The following RDH13 variants were observed in gnomAD, a reference collection of about 807,000 sequenced individuals.
The protein encoded by RDH13 is retinol dehydrogenase 13.
A neutral mutation model predicts 28.3 loss-of-function variants in RDH13; 35 were observed. That is an observed-to-expected ratio of 1.24 (90% CI 0.95 to 1.64). The LOEUF is 1.64. RDH13 is among the 40% of genes most tolerant of loss of function. The probability of loss-of-function intolerance (pLI) is 0.00; values close to 1 mark genes in which losing one functional copy is unlikely to be tolerated. For missense variants in RDH13, 514 were observed against 446.3 expected (o/e 1.15, Z -1.37); for synonymous variants, 229 against 198.5 (o/e 1.15, Z -1.29).
chr19:55,066,504 CCT>C (rs66592163), upstream of RDH13, among the ~76,000 whole-genome samples: 1 of 142,154 alleles, frequency 7.0e-6, no homozygotes, highest in Non-Finnish European at 1.5e-5. Flanking sequence ...TCTCTCTCTC[CCT>C]CTCTCTCACA....
chr19:55,065,536 C>G (rs1275070957), upstream of RDH13, among the ~76,000 whole-genome samples: 1 of 151,502 alleles, frequency 6.6e-6, no homozygotes, highest in Non-Finnish European at 1.5e-5. Context: ...ACTTCCAGGA[C>G]AGAGATCAGC....
At chr19:55,066,570 CTTCT>C (rs1282426069), upstream of RDH13, among the ~76,000 whole-genome samples, 8 of 146,392 alleles carry the variant, frequency 5.5e-5, no homozygotes, top group South Asian at 2.2e-4. Flanking sequence ...CCTCTCCCTC[CTTCT>C]GTCTTCCTCT....
At chr19:55,050,353 G>A (rs10426387) in intron 3 of RDH13, among the ~76,000 whole-genome samples, 18,092 of 152,034 alleles carry the variant, frequency 0.12, 1,410 homozygotes, top group East Asian at 0.21. Context: ...CTGACCTCGT[G>A]ATCCACCTAC....
upstream of RDH13, among the ~76,000 whole-genome samples, chr19:55,067,011 A>G (rs779794091): frequency 3.3e-5 from 5 of 152,172 alleles, no homozygotes; most frequent in Non-Finnish European, 7.3e-5. Flanking sequence ...TAAAATAGAT[A>G]TGATCCTTGT....
At chr19:55,045,392 G>T in intron 6 of RDH13, 83 bp from the exon 7 acceptor site, 6 of 1,080,326 alleles carry the variant, frequency 5.6e-6, no homozygotes, top group Non-Finnish European at 8.1e-6. Context: ...GGGAGCTCCG[G>T]GTCCCTGGAG....
upstream of RDH13, among the ~76,000 whole-genome samples, chr19:55,065,750 C>G (rs144550655): frequency 6.6e-6 from 1 of 151,862 alleles, no homozygotes; most frequent in Non-Finnish European, 1.5e-5. Flanking sequence ...GAGAGTCTCT[C>G]TCCGATGCCC....
At chr19:55,051,675 G>A (rs1445095810) in intron 3 of RDH13, among the ~76,000 whole-genome samples, 3 of 150,994 alleles carry the variant, frequency 2.0e-5, no homozygotes, top group Admixed American at 6.6e-5. Context: ...TGATCCACCC[G>A]CCTCTGCCTC....
chr19:55,058,340 A>G (rs975779407), intron 2 of RDH13, among the ~76,000 whole-genome samples: 5 of 151,600 alleles, frequency 3.3e-5, no homozygotes, highest in Admixed American at 6.6e-5. Context: ...GTGAGCCAAG[A>G]TCATGCCACT....
intron 1 of RDH13, among the ~76,000 whole-genome samples, chr19:55,062,054 T>C (rs558992713): frequency 2.1e-4 from 31 of 149,468 alleles, no homozygotes; most frequent in African/African-American, 6.9e-4. Flanking sequence ...GAGGTGGAGG[T>C]TGTGGTGAGC....
chr19:55,063,063 G>GCGTCA lies in RDH13; in HGVS notation c.-32_-31insTGACG, dbSNP rs1555831241. 18 of 1,334,986 alleles carry GCGTCA rather than the reference G, an allele frequency of 1.3e-5. No individual in the cohort carries two copies. The highest frequency in any genetic ancestry group is 2.2e-4 in the Middle Eastern group (1 of 4,506). 82.7% of individuals were successfully genotyped at this position (1,334,986 alleles called of 1,614,324 possible). A position where few individuals can be genotyped will look rare whatever the true frequency, so the allele number is the denominator to read the frequency against. On this transcript the variant is annotated 5_prime_UTR_variant, in exon 1 of 7. Transcript: ENST00000415061. ...GCCGGGGACAGGCGTCAGGCGTCAGGGGTCGGCGCGGAGCTTGCTGCACAC... is the reference window on the plus strand; with the variant it reads ...GCCGGGGACAGGCGTCAGGCGTCAGGCGTCAGGTCGGCGCGGAGCTTGCTGCACAC...
downstream of RDH13, chr19:55,041,205 C>T: frequency 6.6e-6 from 1 of 152,372 alleles, no homozygotes; most frequent in Non-Finnish European, 1.5e-5. Flanking sequence ...TGAACTCCTC[C>T]TGGGCTCAAG....
intron 1 of RDH13, among the ~76,000 whole-genome samples, chr19:55,062,316 C>G (rs1768727693): frequency 6.6e-6 from 1 of 152,186 alleles, no homozygotes; most frequent in Non-Finnish European, 1.5e-5. Context: ...GTAAACAGCA[C>G]TGCACCCACA....
At chr19:55,047,718 C>A (rs948127900) in intron 5 of RDH13, among the ~76,000 whole-genome samples, 2 of 152,198 alleles carry the variant, frequency 1.3e-5, no homozygotes, top group African/African-American at 4.8e-5. Context: ...AAACCCAGAA[C>A]GCTGAGCTTA....
intron 6 of RDH13, chr19:55,047,083 T>G: frequency 1.6e-6 from 2 of 1,250,180 alleles, no homozygotes; most frequent in Non-Finnish European, 1.0e-6. Context: ...GTGCAGCTGG[T>G]TTGGGGTGAA....
intron 6 of RDH13, 43 bp from the exon 7 acceptor site, chr19:55,045,352 G>T: frequency 6.7e-7 from 1 of 1,497,968 alleles, no homozygotes. Context: ...CTCGCTCAGA[G>T]AGAAGGAAGG....
rs2075148338 is a variant in RDH13, at chr19:55,044,814, G to GTTTAGATTC, written c.*251_*259dup. On this transcript the variant is annotated 3_prime_UTR_variant, in exon 7 of 7. Coordinates refer to ENST00000415061, the MANE Select transcript of RDH13 (RefSeq NM_001145971.2). ...GCCCCTTCCTCCTCGGCCATTCCCAGTTTAGATTCCCAGGGGAAGCATCAG... is the reference window on the plus strand; with the variant it reads ...GCCCCTTCCTCCTCGGCCATTCCCAGTTTAGATTCTTTAGATTCCCAGGGGAAGCATCAG... 7 of 466,730 alleles carry GTTTAGATTC rather than the reference G, an allele frequency of 1.5e-5. No individual in the cohort carries two copies. Among genetic ancestry groups the GTTTAGATTC allele is most frequent in the Non-Finnish European group, 2.6e-5 (7 of 267,020 alleles). 28.9% of individuals were successfully genotyped at this position (466,730 alleles called of 1,614,324 possible).
At chr19:55,064,028 C>G (rs927286465), upstream of RDH13, 1 of 152,222 alleles carries the variant, frequency 6.6e-6, no homozygotes, top group Non-Finnish European at 1.5e-5. Flanking sequence ...TCAACCCAAT[C>G]TAACTAGGAG....
intron 3 of RDH13, among the ~76,000 whole-genome samples, chr19:55,053,362 AT>A (rs1602748938): frequency 6.6e-6 from 1 of 152,172 alleles, no homozygotes; most frequent in Admixed American, 6.5e-5. Flanking sequence ...GCTTTACTTA[AT>A]CCTCTAGAGA....
At chr19:55,064,867 C>T (rs1238063315), upstream of RDH13, among the ~76,000 whole-genome samples, 1 of 149,284 alleles carries the variant, frequency 6.7e-6, no homozygotes, top group Non-Finnish European at 1.5e-5. Context: ...CCTGCCTCGG[C>T]CACCCAAAGT....
Sources: gnomAD v4.1 joint callset for allele counts (sites outside exome capture counted in the v4.1 genomes callset) on GRCh38, gnomAD v4.1.1 for gene constraint, MANE v1.5 for transcripts, NCBI Gene and HGNC (gene_info 2026-07-23, HGNC 2026-07-21) for gene names.